Variants in WWOX observed in about 807,000 individuals in gnomAD.
WWOX encodes WW domain containing oxidoreductase.
In WWOX, 69 loss-of-function variants were observed where a neutral mutation model predicts 46.2. That is an observed-to-expected ratio of 1.49 (90% CI 1.23 to 1.82). The LOEUF is 1.82. Ranked by LOEUF, WWOX falls within the 40% of genes most tolerant of loss-of-function variation. The pLI is 0.00. For missense variants in WWOX, 919 were observed against 542.6 expected (o/e 1.69, Z -6.89); for synonymous variants, 359 against 202.6 (o/e 1.77, Z -6.56).
chr16:78,435,821 C>A (rs536982659), intron 8 of WWOX, among the ~76,000 whole-genome samples: 1 of 152,090 alleles, frequency 6.6e-6, no homozygotes, highest in South Asian at 2.1e-4. Context: ...TGTCTCATTA[C>A]GATGAAAATT....
chr16:78,772,003 G>A (rs2050076445), intron 8 of WWOX, among the ~76,000 whole-genome samples: 1 of 152,118 alleles, frequency 6.6e-6, no homozygotes, highest in African/African-American at 2.4e-5. Flanking sequence ...GTGTATATGT[G>A]TGTTCTTACT....
chr16:79,088,042 T>C (rs1222723343), intron 8 of WWOX, among the ~76,000 whole-genome samples: 1 of 152,178 alleles, frequency 6.6e-6, no homozygotes, highest in Admixed American at 6.5e-5. Context: ...ATGAAATTGG[T>C]GCATCCTGGT....
At chr16:78,797,213 G>A (rs2050761697) in intron 8 of WWOX, among the ~76,000 whole-genome samples, 1 of 152,064 alleles carries the variant, frequency 6.6e-6, no homozygotes, top group Admixed American at 6.6e-5. Context: ...ATCCATGAGA[G>A]TGGCTTCTGA....
intron 8 of WWOX, among the ~76,000 whole-genome samples, chr16:78,559,412 C>T (rs1276387617): frequency 5.3e-5 from 8 of 152,078 alleles, no homozygotes; most frequent in South Asian, 2.1e-4. Context: ...GACTGAGTGT[C>T]GAGGAGCAAG....
chr16:79,064,980 C>T (rs921288420), intron 8 of WWOX, among the ~76,000 whole-genome samples: 10 of 152,124 alleles, frequency 6.6e-5, no homozygotes, highest in South Asian at 6.2e-4. Context: ...CCCCTGAGCA[C>T]CTGTGTGTGT....
chr16:78,870,772 T>A (rs911906663), intron 8 of WWOX, among the ~76,000 whole-genome samples: 12 of 152,150 alleles, frequency 7.9e-5, no homozygotes, highest in Admixed American at 3.9e-4. Context: ...CAGCTAAATT[T>A]TTGTATTTTA....
intron 8 of WWOX, among the ~76,000 whole-genome samples, chr16:78,723,398 A>G (rs535950445): frequency 6.6e-6 from 1 of 152,168 alleles, no homozygotes; most frequent in South Asian, 2.1e-4. Context: ...CGGAGTGACC[A>G]CAAGATGCCC....
chr16:78,493,982 C>A lies in WWOX; in HGVS notation c.1056+61230C>A, dbSNP rs189810079. ...ATTCTCACACTGCTATAAAGACATT[C>A]CTGAGACTGGGAAATTTATAAAGAA... On this transcript the variant is annotated intron_variant, in intron 8 of 8. Transcript: ENST00000566780. 2.9e-3 allele frequency among the ~76,000 whole-genome samples: 445 copies of A among 152,268 alleles called. 2 individuals are homozygous for A. Among genetic ancestry groups the A allele is most frequent in the Non-Finnish European group, 5.1e-3 (350 of 68,034 alleles).
chr16:78,651,283 C>A (rs1424162), intron 8 of WWOX, among the ~76,000 whole-genome samples: 4 of 152,102 alleles, frequency 2.6e-5, no homozygotes, highest in Non-Finnish European at 4.4e-5. Context: ...CGAGTGAGTG[C>A]GAGCGAGAGA....
chr16:78,973,439 C>G (rs539428867), intron 8 of WWOX, among the ~76,000 whole-genome samples: 24 of 152,300 alleles, frequency 1.6e-4, no homozygotes, highest in African/African-American at 5.3e-4. Flanking sequence ...ATTAGCCAAC[C>G]AAGTATGAAT....
intron 8 of WWOX, among the ~76,000 whole-genome samples, chr16:78,724,052 G>C (rs1184987863): frequency 1.4e-4 from 21 of 152,152 alleles, no homozygotes; most frequent in Non-Finnish European, 2.9e-5. Context: ...GCCAGGACTG[G>C]AAGCAGCATA....
At chr16:78,122,269 C>A (rs1004916462) in intron 4 of WWOX, among the ~76,000 whole-genome samples, 2 of 152,222 alleles carry the variant, frequency 1.3e-5, no homozygotes, top group East Asian at 3.9e-4. Flanking sequence ...TCAGTGTGAA[C>A]CTGATTAGAT....
At chr16:79,183,618 T>C (rs2050955567) in intron 8 of WWOX, among the ~76,000 whole-genome samples, 1 of 152,202 alleles carries the variant, frequency 6.6e-6, no homozygotes. Flanking sequence ...CTTAATAACA[T>C]ACTAAGTGGC....
At chr16:79,125,045 ATCTT>A (rs1387111208) in intron 8 of WWOX, among the ~76,000 whole-genome samples, 5 of 139,124 alleles carry the variant, frequency 3.6e-5, no homozygotes, top group African/African-American at 6.0e-5. Flanking sequence ...CTATTTTCCC[ATCTT>A]TTTTTTTTTT....
chr16:78,967,984 A>T (rs2046393938), intron 8 of WWOX, among the ~76,000 whole-genome samples: 1 of 152,182 alleles, frequency 6.6e-6, no homozygotes, highest in Admixed American at 6.5e-5. Flanking sequence ...ATACCCCACT[A>T]TATTAAAAGA....
At chr16:78,936,857 A>G (rs1436160027) in intron 8 of WWOX, among the ~76,000 whole-genome samples, 1 of 152,152 alleles carries the variant, frequency 6.6e-6, no homozygotes, top group East Asian at 1.9e-4. Context: ...GGCTTCTGTA[A>G]CTCTTTAACT....
chr16:78,862,738 C>G (rs923466850), intron 8 of WWOX, among the ~76,000 whole-genome samples: 4 of 152,112 alleles, frequency 2.6e-5, no homozygotes, highest in East Asian at 3.9e-4. Context: ...GCAATTCTTT[C>G]TCACTCAGCC....
intron 8 of WWOX, among the ~76,000 whole-genome samples, chr16:79,010,301 G>A (rs551612137): frequency 6.6e-6 from 1 of 152,306 alleles, no homozygotes; most frequent in East Asian, 1.9e-4. Context: ...ATTAGAGAGT[G>A]GCGTGTGCTG....
At chr16:78,816,016 A>G (rs931550518) in intron 8 of WWOX, among the ~76,000 whole-genome samples, 1 of 152,176 alleles carries the variant, frequency 6.6e-6, no homozygotes, top group African/African-American at 2.4e-5. Flanking sequence ...CTAGAACTGT[A>G]AGGCCAAGTG....
Sources: allele counts gnomAD v4.1 joint callset (sites outside exome capture counted in the v4.1 genomes callset), GRCh38; gene constraint gnomAD v4.1.1; transcripts MANE v1.5; gene names NCBI Gene and HGNC (gene_info 2026-07-23, HGNC 2026-07-21).